Variants in INSR observed in about 807,000 individuals in gnomAD.
The protein encoded by INSR is IR.
INSR carries 67 observed loss-of-function variants against 142.6 expected under a neutral mutation model. The ratio of observed to expected loss-of-function variants is 0.47; its 90% CI spans 0.39 to 0.58. The LOEUF (loss-of-function observed/expected upper bound fraction) is 0.58. Among genes scored for constraint, INSR ranks in the 20% least tolerant of loss-of-function variants. The pLI is 0.00. For missense variants in INSR, 1,248 were observed against 1,833.2 expected (o/e 0.68, Z 5.83); for synonymous variants, 756 against 743.1 (o/e 1.02, Z -0.28).
At chr19:7,221,266 C>A (rs1013426303) in intron 2 of INSR, among the ~76,000 whole-genome samples, 1 of 151,608 alleles carries the variant, frequency 6.6e-6, no homozygotes, top group Non-Finnish European at 1.5e-5. Context: ...CCCAGCTACT[C>A]GGGAGGCTGA....
chr19:7,239,326 G>C (rs1393900345), intron 2 of INSR, among the ~76,000 whole-genome samples: 2 of 125,902 alleles, frequency 1.6e-5, no homozygotes, highest in Non-Finnish European at 3.2e-5. Flanking sequence ...CCCAGGGAAA[G>C]AGGAGGAAGA....
In INSR at chr19:7,141,663, G is replaced by A. The variant is rs1973071979; in HGVS notation, c.2682+14C>T. On this transcript the variant is annotated intron_variant, in intron 13 of 21. Coordinates refer to ENST00000302850, the MANE Select transcript of INSR (RefSeq NM_000208.4). ...GAAGTGTGCAGGGGCATGCCCAAGAGTCAAGGGCCTTACCTCATCACCATA... is the reference window on the plus strand; with the variant it reads ...GAAGTGTGCAGGGGCATGCCCAAGAATCAAGGGCCTTACCTCATCACCATA... The A allele has an allele frequency of 1.2e-6, 2 of 1,614,114 alleles. No individual in the cohort carries two copies. The highest frequency in any genetic ancestry group is 1.7e-6 in the Non-Finnish European group (2 of 1,179,996).
intron 14 of INSR, among the ~76,000 whole-genome samples, chr19:7,131,427 G>T (rs1972778379): frequency 6.6e-6 from 1 of 151,482 alleles, no homozygotes; most frequent in African/African-American, 2.4e-5. Flanking sequence ...TTCACTGCAA[G>T]CTCTGCTTCC....
rs535814498 is a variant in INSR, at chr19:7,237,586, C to T, written c.652+29759G>A. Among the ~76,000 whole-genome samples, 209 of 152,008 alleles carry T rather than the reference C, an allele frequency of 1.4e-3. 2 individuals are homozygous for T. Among genetic ancestry groups the T allele is most frequent in the African/African-American group, 4.6e-3 (189 of 41,472 alleles). ...ATCCCAGCACTTTGGAAGGCCGAGG[C>T]GGGTGGATCATGAGGTCAGGAGATC... On this transcript the variant is annotated intron_variant, in intron 2 of 21. Transcript: ENST00000302850.
chr19:7,175,663 T>C (rs1302648353), intron 3 of INSR, among the ~76,000 whole-genome samples: 1 of 151,858 alleles, frequency 6.6e-6, no homozygotes, highest in Non-Finnish European at 1.5e-5. Flanking sequence ...GGTGAAACCC[T>C]GTCTCTACTA....
chr19:7,154,950 CCATAAT>C (rs1313942483), intron 9 of INSR, among the ~76,000 whole-genome samples: 2 of 152,026 alleles, frequency 1.3e-5, no homozygotes, highest in Non-Finnish European at 2.9e-5. Flanking sequence ...CTGCCCGACA[CCATAAT>C]CACAGGACTG....
intron 1 of INSR, among the ~76,000 whole-genome samples, chr19:7,278,505 A>G (rs918208074): frequency 2.6e-5 from 4 of 151,868 alleles, no homozygotes; most frequent in African/African-American, 9.7e-5. Context: ...ATTTCCAGGG[A>G]TCATGGACCC....
chr19:7,127,994 G>A (rs1006884904), intron 15 of INSR, among the ~76,000 whole-genome samples: 11 of 151,706 alleles, frequency 7.3e-5, no homozygotes, highest in African/African-American at 1.9e-4. Context: ...CGCCCGCCTC[G>A]GCCTCCCAAA....
At chr19:7,219,594 AGAAG>A (rs542197364) in intron 2 of INSR, among the ~76,000 whole-genome samples, 31 of 112,048 alleles carry the variant, frequency 2.8e-4, no homozygotes, top group Admixed American at 9.2e-4. Context: ...GAAGAGAGAG[AGAAG>A]GAAGGAAGGG....
rs1438230909 is a variant in INSR, at chr19:7,120,655, C to T, written c.3624G>A (p.Leu1208=). The change falls in exon 20 of 22, where the codon CTG becomes CTA. Residue 1208 remains leucine, a synonymous_variant. Transcript: ENST00000302850. ...LPVRWMAPES[L]KDGVFTTSSD... ...AAGAAGTGGTGAAGACCCCATCCTT[C>T]AGGGACTCCGGTGCCATCCACCGTA... 1 of 1,614,200 alleles carries T rather than the reference C, an allele frequency of 6.2e-7. No homozygotes were observed. Among genetic ancestry groups the T allele is most frequent in the Non-Finnish European group, 8.5e-7 (1 of 1,180,018 alleles).
chr19:7,120,709 GTAGT>G lies in INSR; in HGVS notation c.3566_3569del (p.Tyr1189SerfsTer19). The G allele has an allele frequency of 6.2e-7, 1 of 1,614,110 alleles. No homozygotes were observed. Among genetic ancestry groups the G allele is most frequent in the South Asian group, 1.1e-5 (1 of 91,076 alleles). On this transcript the variant is annotated frameshift_variant, in exon 20 of 22. Transcript: ENST00000302850. LOFTEE classifies it high-confidence loss of function. Reference sequence around the variant, plus strand: ...GGAGCAGACCCTTGCCCCCTTTCCGGTAGTAATCCGTTTCATAGATGTCTCTGGT... The same window carrying G: ...GGAGCAGACCCTTGCCCCCTTTCCGGAATCCGTTTCATAGATGTCTCTGGT...
At chr19:7,250,445 GAAGA>G (rs1568218003) in intron 2 of INSR, among the ~76,000 whole-genome samples, 1 of 55,134 alleles carries the variant, frequency 1.8e-5, no homozygotes, top group African/African-American at 6.0e-5. Context: ...AGAAAAGAAA[GAAGA>G]AAGAAAAGGA....
chr19:7,290,898 TG>T (rs1354697850), intron 1 of INSR, among the ~76,000 whole-genome samples: 1 of 151,578 alleles, frequency 6.6e-6, no homozygotes, highest in African/African-American at 2.4e-5. Flanking sequence ...AGCAAAGCCC[TG>T]TCTCTACTAA....
At chr19:7,182,259 C>T (rs551834353) in intron 3 of INSR, among the ~76,000 whole-genome samples, 207 of 152,110 alleles carry the variant, frequency 1.4e-3, no homozygotes, top group Non-Finnish European at 2.3e-3. Context: ...CACTTGAACC[C>T]GGGAGGCTGA....
At chr19:7,269,370 C>T (rs887084158) in intron 1 of INSR, among the ~76,000 whole-genome samples, 5 of 128,474 alleles carry the variant, frequency 3.9e-5, no homozygotes, top group Middle Eastern at 4.0e-3. Context: ...TAGGCTAAGT[C>T]GAGAAAACAC....
At chr19:7,262,867 G>A (rs1977106672) in intron 2 of INSR, among the ~76,000 whole-genome samples, 3 of 152,214 alleles carry the variant, frequency 2.0e-5, no homozygotes, top group Admixed American at 1.3e-4. Flanking sequence ...TGGAGTGAGT[G>A]TTTCATGGGG....
chr19:7,283,232 G>A (rs930403009), intron 1 of INSR, among the ~76,000 whole-genome samples: 8 of 151,988 alleles, frequency 5.3e-5, no homozygotes, highest in Non-Finnish European at 1.0e-4. Flanking sequence ...ATAAAATCCC[G>A]AGAGCCACTG....
At chr19:7,160,726 G>A (rs927173336) in intron 9 of INSR, among the ~76,000 whole-genome samples, 11 of 151,832 alleles carry the variant, frequency 7.2e-5, no homozygotes, top group South Asian at 2.1e-4. Context: ...GGCTGGGCGC[G>A]GTGGCTCACG....
At chr19:7,140,741 C>A (rs1345495597) in intron 13 of INSR, among the ~76,000 whole-genome samples, 2 of 148,874 alleles carry the variant, frequency 1.3e-5, no homozygotes, top group Non-Finnish European at 3.0e-5. Context: ...GATCTATATT[C>A]TACGAAAAAA....
Sources: allele counts gnomAD v4.1 joint callset (sites outside exome capture counted in the v4.1 genomes callset), GRCh38; gene constraint gnomAD v4.1.1; transcripts MANE v1.5; gene names NCBI Gene and HGNC (gene_info 2026-07-23, HGNC 2026-07-21).